Variants in C6orf58 observed in about 807,000 individuals in gnomAD.
The protein encoded by C6orf58 is chromosome 6 open reading frame 58.
In C6orf58, 30 loss-of-function variants were observed where a neutral mutation model predicts 37.0. The observed-to-expected ratio is 0.81, with a 90% CI of 0.61 to 1.10. The LOEUF (loss-of-function observed/expected upper bound fraction) is 1.10, where lower values mean the gene tolerates loss of function less well. C6orf58 is among the 50% of genes least tolerant of loss of function. The pLI is 0.00. For synonymous variants in C6orf58, 143 were observed against 134.1 expected (o/e 1.07, Z -0.46); for missense variants, 368 against 387.5 (o/e 0.95, Z 0.42).
chr6:127,577,352 T>C lies in C6orf58; in HGVS notation c.167T>C (p.Val56Ala). Reference sequence around the variant, plus strand: ...AGCATGTACATTATTAATCCCTGGGTATACCTTGAGAGAATGGGGATGTAT... The same window carrying C: ...AGCATGTACATTATTAATCCCTGGGCATACCTTGAGAGAATGGGGATGTAT... ...ENSMYIINPWVYLERMGMYKI... is the reference protein window; with the variant it reads ...ENSMYIINPWAYLERMGMYKI... Residue 56 changes from valine to alanine, a missense_variant, in exon 1 of 6, where the codon GTA becomes GCA. Coordinates refer to ENST00000329722, the MANE Select transcript of C6orf58 (RefSeq NM_001010905.3). 6.2e-7 allele frequency: 1 copy of C among 1,613,688 alleles called. No individual in the cohort carries two copies. The highest frequency in any genetic ancestry group is 8.5e-7 in the Non-Finnish European group (1 of 1,179,696).
Position 127,591,569 on chromosome 6 carries a change from G to A in C6orf58, c.940G>A (p.Val314Ile). The A allele has an allele frequency of 1.3e-6, 2 of 1,525,620 alleles. No individual in the cohort carries two copies. The highest frequency in any genetic ancestry group is 1.7e-6 in the Non-Finnish European group (2 of 1,143,976). The allele number at this position is 1,525,620 out of a possible 1,614,324, so 94.5% of individuals were successfully genotyped here. ...IGYLCTEKSN[V>I]YRDHSESSSR... ...TTATCTTTGTACAGAAAAATCTAAT[G>A]TATATAGAGATCATTCGGAATCTAG... The change falls in exon 6 of 6, where the codon GTA becomes ATA. Residue 314 changes from valine (V) to isoleucine (I), a missense_variant. Val to Ile is a conservative substitution (Grantham distance 29). Transcript: ENST00000329722.
In C6orf58 at chr6:127,577,177, TC is replaced by T; in HGVS notation, c.-8del. 1 of 1,611,680 alleles carries T rather than the reference TC, an allele frequency of 6.2e-7. No homozygotes were observed. The highest frequency in any genetic ancestry group is 8.5e-7 in the Non-Finnish European group (1 of 1,178,830). ...CCCTGCTACGATCGCAATCCCCAGCTCTGGCACAATGGCTTTTCTTCCTTCC... is the reference window on the plus strand; with the variant it reads ...CCCTGCTACGATCGCAATCCCCAGCTTGGCACAATGGCTTTTCTTCCTTCC... On this transcript the variant is annotated 5_prime_UTR_variant, in exon 1 of 6. Transcript: ENST00000329722.
In C6orf58 at chr6:127,591,612, A is replaced by C; in HGVS notation, c.983A>C (p.Asn328Thr). The C allele has an allele frequency of 6.6e-7, 1 of 1,513,604 alleles. No homozygotes were observed. Among genetic ancestry groups the C allele is most frequent in the Non-Finnish European group, 8.8e-7 (1 of 1,136,186 alleles). The allele number at this position is 1,513,604 out of a possible 1,614,324, so 93.8% of individuals were successfully genotyped here. ...GAATCTAGCTCTAGAAGTTATGGAAATAACTCCTGAAACATTTAACTTCAA... is the reference window on the plus strand; with the variant it reads ...GAATCTAGCTCTAGAAGTTATGGAACTAACTCCTGAAACATTTAACTTCAA... The part of the protein sequence containing the change: ...HSESSSRSYG[N>T]NS Residue 328 changes from asparagine to threonine, a missense_variant, in exon 6 of 6, where the codon AAT becomes ACT. Coordinates refer to ENST00000329722, the MANE Select transcript of C6orf58 (RefSeq NM_001010905.3).
chr6:127,581,819 T>C (rs1339542777), intron 4 of C6orf58, among the ~76,000 whole-genome samples: 3 of 152,120 alleles, frequency 2.0e-5, no homozygotes, highest in African/African-American at 7.2e-5. Context: ...TTGGACATAG[T>C]GTGGTGAGAA....
At chr6:127,587,364 GA>G (rs1775117839) in intron 4 of C6orf58, among the ~76,000 whole-genome samples, 1 of 152,104 alleles carries the variant, frequency 6.6e-6, no homozygotes, top group South Asian at 2.1e-4. Context: ...GCACTATTAA[GA>G]AAGCTAAAAA....
At chr6:127,582,984 AG>A (rs1233378981) in intron 4 of C6orf58, among the ~76,000 whole-genome samples, 5 of 152,200 alleles carry the variant, frequency 3.3e-5, no homozygotes, top group African/African-American at 4.8e-5. Flanking sequence ...AGTCAGCATT[AG>A]TAATATTTGT....
chr6:127,585,040 G>A (rs1405009211), intron 4 of C6orf58, among the ~76,000 whole-genome samples: 2 of 151,962 alleles, frequency 1.3e-5, no homozygotes, highest in Non-Finnish European at 2.9e-5. Context: ...AACAGTTCTG[G>A]GAACTCTCAT....
intron 3 of C6orf58, 21 bp downstream of exon 3, chr6:127,580,470 C>G (rs757072030): frequency 6.4e-7 from 1 of 1,567,166 alleles, no homozygotes; most frequent in South Asian, 1.1e-5. Context: ...TATACTCTTA[C>G]GAGATAGGAA....
At chr6:127,582,079 T>A (rs1461583819) in intron 4 of C6orf58, among the ~76,000 whole-genome samples, 1 of 152,226 alleles carries the variant, frequency 6.6e-6, no homozygotes, top group Non-Finnish European at 1.5e-5. Context: ...ACCTTGGGCA[T>A]TGACATCACT....
chr6:127,589,387 C>G (rs1775137675), intron 4 of C6orf58, among the ~76,000 whole-genome samples: 2 of 152,184 alleles, frequency 1.3e-5, no homozygotes, highest in African/African-American at 4.8e-5. Flanking sequence ...GTTTAGCATG[C>G]TTAGACAGCT....
chr6:127,577,792 A>T (rs1775006330), intron 1 of C6orf58, among the ~76,000 whole-genome samples: 1 of 152,128 alleles, frequency 6.6e-6, no homozygotes, highest in African/African-American at 2.4e-5. Context: ...ACTAAGTGCC[A>T]CACTCCTTTC....
chr6:127,590,350 TA>T (rs1775149715), intron 5 of C6orf58, 25 bp downstream of exon 5: 1 of 1,367,322 alleles, frequency 7.3e-7, no homozygotes, highest in South Asian at 1.2e-5. Flanking sequence ...AGGATACTTT[TA>T]AAAATCAGTA....
At chr6:127,586,938 T>C (rs559787252) in intron 4 of C6orf58, among the ~76,000 whole-genome samples, 28 of 152,354 alleles carry the variant, frequency 1.8e-4, no homozygotes, top group African/African-American at 6.5e-4. Flanking sequence ...GAAATCTTTG[T>C]ATATGATTGC....
chr6:127,580,460 T>C lies in C6orf58; in HGVS notation c.573+11T>C, dbSNP rs373143114. ...AACACCTTTTACCAGGTTCCTTCTT[T>C]ATACTCTTACGAGATAGGAAGAGAG... is the stretch of plus-strand genomic sequence containing the variant. On this transcript the variant is annotated intron_variant, in intron 3 of 5. Transcript: ENST00000329722. 1.9e-6 allele frequency: 3 copies of C among 1,599,684 alleles called. No homozygotes were observed. Among genetic ancestry groups the C allele is most frequent in the Non-Finnish European group, 2.6e-6 (3 of 1,168,098 alleles).
intron 3 of C6orf58, 123 bp from the exon 4 acceptor site, chr6:127,581,059 C>T (rs895108896): frequency 2.4e-6 from 1 of 414,920 alleles, no homozygotes; most frequent in Non-Finnish European, 4.2e-6. Flanking sequence ...CATACTTTTT[C>T]TTAGAAATAA....
intron 4 of C6orf58, among the ~76,000 whole-genome samples, chr6:127,587,952 T>A (rs1368671525): frequency 6.6e-6 from 1 of 152,234 alleles, no homozygotes; most frequent in African/African-American, 2.4e-5. Flanking sequence ...TGTGAGGCTC[T>A]GAGTTAAGTT....
At chr6:127,584,759 G>C (rs1008555552) in intron 4 of C6orf58, among the ~76,000 whole-genome samples, 4 of 150,574 alleles carry the variant, frequency 2.7e-5, no homozygotes, top group African/African-American at 9.8e-5. Flanking sequence ...TTGGGGACTG[G>C]GTGACAGAGT....
chr6:127,591,501 AT>A (rs1775162119), intron 5 of C6orf58, 41 bp from the exon 6 acceptor site: 2 of 1,474,960 alleles, frequency 1.4e-6, no homozygotes, highest in East Asian at 5.3e-5. Context: ...ACTTTAAAAA[AT>A]TTGCAAGAGT....
chr6:127,581,017 A>G (rs569725113), intron 3 of C6orf58, among the ~76,000 whole-genome samples, 165 bp from the exon 4 acceptor site: 3 of 152,104 alleles, frequency 2.0e-5, no homozygotes, highest in Admixed American at 2.0e-4. Flanking sequence ...TTTTTGTGTT[A>G]TTTAAAGAGT....
Sources: gnomAD v4.1 joint callset for allele counts (sites outside exome capture counted in the v4.1 genomes callset) on GRCh38, gnomAD v4.1.1 for gene constraint, MANE v1.5 for transcripts, NCBI Gene and HGNC (gene_info 2026-07-23, HGNC 2026-07-21) for gene names.